Variants in TMTC2 observed in about 807,000 individuals in gnomAD.
TMTC2 encodes the protein transmembrane O-mannosyltransferase targeting cadherins 2, also known as protein O-mannosyl-transferase TMTC2.
In TMTC2, 43 loss-of-function variants were observed where a neutral mutation model predicts 82.4. That is an observed-to-expected ratio of 0.52 (90% confidence interval 0.41 to 0.67). The LOEUF is 0.67. Among genes scored for constraint, TMTC2 ranks in the 30% least tolerant of loss-of-function variants. TMTC2 has a pLI of 0.00. For missense variants in TMTC2, 919 were observed against 1,012.4 expected, an observed-to-expected ratio of 0.91 and a Z score of 1.25; for synonymous variants, 408 against 381.9, an observed-to-expected ratio of 1.07 and a Z score of -0.80.
At chr12:82,729,982 A>G (rs1039167402) in intron 1 of TMTC2, among the ~76,000 whole-genome samples, 1 of 151,910 alleles carries the variant, frequency 6.6e-6, no homozygotes, top group South Asian at 2.1e-4. Flanking sequence ...CTGCAGCTTC[A>G]CTCCTGAGCC....
At chr12:82,944,392 GGCT>G (rs1359615155) in intron 4 of TMTC2, among the ~76,000 whole-genome samples, 196 of 152,002 alleles carry the variant, frequency 1.3e-3, no homozygotes, top group African/African-American at 4.5e-3. Flanking sequence ...AGAACATCCT[GGCT>G]AACACGGTGA....
At chr12:82,889,136 G>T (rs1565794315) in intron 2 of TMTC2, among the ~76,000 whole-genome samples, 1 of 151,856 alleles carries the variant, frequency 6.6e-6, no homozygotes, top group Non-Finnish European at 1.5e-5. Context: ...AATTAGCCAG[G>T]CGTGGTGGCA....
chr12:82,967,110 A>T (rs986670181), intron 7 of TMTC2, 113 bp downstream of exon 7: 1 of 757,666 alleles, frequency 1.3e-6, no homozygotes, highest in Non-Finnish European at 2.1e-6. Flanking sequence ...CTCACAAAAG[A>T]AACGTTCACA....
At chr12:82,746,931 C>G (rs1875722804) in intron 1 of TMTC2, among the ~76,000 whole-genome samples, 1 of 152,148 alleles carries the variant, frequency 6.6e-6, no homozygotes, top group South Asian at 2.1e-4. Context: ...CTTGGAATAG[C>G]AAGGAAATGG....
chr12:83,014,958 T>C lies in TMTC2; in HGVS notation c.2071-15840T>C, dbSNP rs376586439. On this transcript the variant is annotated intron_variant, in intron 8 of 11. Transcript: ENST00000321196. ...GGTATGATATTATCCCTGTAAAGAA[T>C]TGAATTTCTGGAGATTTTAAGTAAC... 4.6e-5 allele frequency among the ~76,000 whole-genome samples: 7 copies of C among 152,256 alleles called. No individual in the cohort carries two copies. In the East Asian group the frequency reaches 1.2e-3, roughly 25 times the overall value.
At chr12:83,029,787 GTGA>G (rs2137420730) in intron 8 of TMTC2, among the ~76,000 whole-genome samples, 1 of 152,250 alleles carries the variant, frequency 6.6e-6, no homozygotes, top group East Asian at 1.9e-4. Context: ...CAATAACTAG[GTGA>G]AGAATGTATA....
intron 11 of TMTC2, among the ~76,000 whole-genome samples, chr12:83,120,095 G>A (rs1403784241): frequency 6.6e-6 from 1 of 152,162 alleles, no homozygotes; most frequent in Non-Finnish European, 1.5e-5. Flanking sequence ...CTGCAATTCT[G>A]TATCTTTTAA....
At chr12:82,735,462 C>T (rs1456492398) in intron 1 of TMTC2, among the ~76,000 whole-genome samples, 1 of 151,672 alleles carries the variant, frequency 6.6e-6, no homozygotes. Context: ...TCTCCTGTCT[C>T]AGCCTCCCAA....
At chr12:82,702,564 T>G (rs777495170) in intron 1 of TMTC2, among the ~76,000 whole-genome samples, 19 of 152,194 alleles carry the variant, frequency 1.2e-4, no homozygotes, top group Non-Finnish European at 1.8e-4. Context: ...TGGAATTAAT[T>G]TACATTGGTG....
chr12:82,764,187 G>A (rs1592502531), intron 1 of TMTC2, among the ~76,000 whole-genome samples: 1 of 152,170 alleles, frequency 6.6e-6, no homozygotes, highest in East Asian at 1.9e-4. Context: ...ACTCAGGCTG[G>A]AGTGCAGTGG....
At chr12:82,770,974 T>C (rs1877271497) in intron 1 of TMTC2, among the ~76,000 whole-genome samples, 2 of 152,026 alleles carry the variant, frequency 1.3e-5, no homozygotes, top group South Asian at 2.1e-4. Flanking sequence ...TTTGGGAGGC[T>C]GAGGTGGGCG....
chr12:82,697,281 A>G (rs1872853804), intron 1 of TMTC2, among the ~76,000 whole-genome samples: 1 of 148,368 alleles, frequency 6.7e-6, no homozygotes, highest in South Asian at 2.2e-4. Flanking sequence ...TGAGCAGAGA[A>G]TGCAGTAGGC....
chr12:82,845,252 AAT>A (rs1555190263), intron 1 of TMTC2, among the ~76,000 whole-genome samples: 441 of 38,800 alleles, frequency 0.011, 3 homozygotes, highest in African/African-American at 0.031. Context: ...AAAAAAAAAA[AAT>A]ATATATATAT....
At chr12:82,887,689 A>T (rs1873171136) in intron 2 of TMTC2, among the ~76,000 whole-genome samples, 1 of 152,234 alleles carries the variant, frequency 6.6e-6, no homozygotes, top group African/African-American at 2.4e-5. Context: ...TATAATTAGA[A>T]ATATCTATTT....
At chr12:83,074,536 G>T (rs1462384762) in intron 11 of TMTC2, among the ~76,000 whole-genome samples, 1 of 152,080 alleles carries the variant, frequency 6.6e-6, no homozygotes, top group Non-Finnish European at 1.5e-5. Flanking sequence ...AGGGGATGGG[G>T]TTAGAGTCCC....
At chr12:82,946,794 T>G (rs993871821) in intron 4 of TMTC2, among the ~76,000 whole-genome samples, 3 of 145,316 alleles carry the variant, frequency 2.1e-5, no homozygotes, top group Non-Finnish European at 4.5e-5. Flanking sequence ...CAGGGTGAAG[T>G]GCAGTGGCGC....
intron 8 of TMTC2, among the ~76,000 whole-genome samples, chr12:83,018,864 A>T (rs2137399718): frequency 6.6e-6 from 1 of 152,340 alleles, no homozygotes; most frequent in African/African-American, 2.4e-5. Context: ...GATGTTTAGC[A>T]TTCTTCGTGC....
chr12:83,100,466 G>A (rs907123069), intron 11 of TMTC2, among the ~76,000 whole-genome samples: 1 of 152,116 alleles, frequency 6.6e-6, no homozygotes, highest in African/African-American at 2.4e-5. Context: ...CAAAGTCACA[G>A]AGGTAGAAAA....
At chr12:82,770,748 A>C (rs1403654463) in intron 1 of TMTC2, among the ~76,000 whole-genome samples, 3 of 152,130 alleles carry the variant, frequency 2.0e-5, no homozygotes, top group Non-Finnish European at 4.4e-5. Context: ...CAGCCTCTGG[A>C]GTTGCTCGGA....
Sources: gnomAD v4.1 joint callset for allele counts (sites outside exome capture counted in the v4.1 genomes callset) on GRCh38, gnomAD v4.1.1 for gene constraint, MANE v1.5 for transcripts, NCBI Gene and HGNC (gene_info 2026-07-23, HGNC 2026-07-21) for gene names.